The following UBE2K variants were observed in gnomAD, a reference collection of about 807,000 sequenced individuals.
UBE2K encodes the protein ubiquitin-conjugating enzyme E2 K.
A neutral mutation model predicts 30.0 loss-of-function variants in UBE2K; 6 were observed. The observed-to-expected ratio is 0.20, with a 90% CI of 0.11 to 0.39. The LOEUF (loss-of-function observed/expected upper bound fraction) is 0.39, where lower values mean the gene tolerates loss of function less well. Ranked by LOEUF, UBE2K falls within the 10% of genes least tolerant of loss-of-function variation. The pLI, the probability that UBE2K is intolerant of heterozygous loss-of-function variation, is 1.00. For missense variants in UBE2K, 61 were observed against 241.6 expected, an observed-to-expected ratio of 0.25 and a Z score of 4.96; for synonymous variants, 86 against 83.7, an observed-to-expected ratio of 1.03 and a Z score of -0.15.
chr4:39,764,261 C>G (rs1302113512), intron 4 of UBE2K, among the ~76,000 whole-genome samples: 1 of 152,102 alleles, frequency 6.6e-6, no homozygotes, highest in African/African-American at 2.4e-5. Flanking sequence ...TCACTTGAGC[C>G]TTGAAAGTCA....
At chr4:39,719,834 A>AT in intron 1 of UBE2K, among the ~76,000 whole-genome samples, 1 of 152,206 alleles carries the variant, frequency 6.6e-6, no homozygotes, top group East Asian at 1.9e-4. Context: ...TTTGCCTCCT[A>AT]TTAGACATTC....
At chr4:39,764,428 T>G (rs1275040805) in intron 4 of UBE2K, among the ~76,000 whole-genome samples, 1 of 152,056 alleles carries the variant, frequency 6.6e-6, no homozygotes, top group Non-Finnish European at 1.5e-5. Flanking sequence ...TGCCTTTTTT[T>G]TTTTTTCTTT....
At chr4:39,770,663 C>T (rs1712736058) in intron 4 of UBE2K, 5 of 1,584,042 alleles carry the variant, frequency 3.2e-6, no homozygotes, top group Non-Finnish European at 4.3e-6. Context: ...TCACCACACC[C>T]TGCGGTGGGG....
At chr4:39,765,036 C>T (rs36046193) in intron 4 of UBE2K, among the ~76,000 whole-genome samples, 14,031 of 152,058 alleles carry the variant, frequency 0.092, 859 homozygotes, top group African/African-American at 0.17. Flanking sequence ...CAGGCACCTG[C>T]CACCACTCCA....
chr4:39,774,443 TA>T (rs760562620), intron 4 of UBE2K, among the ~76,000 whole-genome samples: 153 of 142,184 alleles, frequency 1.1e-3, no homozygotes, highest in Middle Eastern at 3.6e-3. Flanking sequence ...CCGTCTCTAC[TA>T]AAAAAAAAAA....
chr4:39,754,886 A>G (rs1333179036), intron 3 of UBE2K, among the ~76,000 whole-genome samples: 2 of 152,330 alleles, frequency 1.3e-5, no homozygotes, highest in Admixed American at 6.5e-5. Flanking sequence ...TCATTGTCAT[A>G]TGTGTCAGAG....
intron 1 of UBE2K, among the ~76,000 whole-genome samples, chr4:39,736,792 A>G (rs957867906): frequency 6.6e-6 from 1 of 152,218 alleles, no homozygotes; most frequent in African/African-American, 2.4e-5. Flanking sequence ...CGTTTTAATA[A>G]ACTAAGCAGA....
chr4:39,698,528 T>C, intron 1 of UBE2K, 138 bp downstream of exon 1: 1 of 754,762 alleles, frequency 1.3e-6, no homozygotes, highest in Non-Finnish European at 2.3e-6. Context: ...AGCAGCAGTG[T>C]TCCCCTCCTC....
chr4:39,740,690 G>A (rs567634270), intron 2 of UBE2K, among the ~76,000 whole-genome samples: 19 of 145,680 alleles, frequency 1.3e-4, no homozygotes, highest in African/African-American at 4.3e-4. Context: ...ATGAAACCCC[G>A]TCTCTACTAA....
At chr4:39,731,875 G>A (rs1720093399) in intron 1 of UBE2K, among the ~76,000 whole-genome samples, 1 of 152,244 alleles carries the variant, frequency 6.6e-6, no homozygotes, top group African/African-American at 2.4e-5. Context: ...TAAAACAGTT[G>A]TGGCTTGACT....
intron 2 of UBE2K, among the ~76,000 whole-genome samples, chr4:39,739,658 G>A (rs1015925692): frequency 2.0e-5 from 3 of 151,706 alleles, no homozygotes; most frequent in African/African-American, 7.3e-5. Flanking sequence ...TATTGGCCAG[G>A]CTTGTCTTGA....
At chr4:39,725,972 TG>T (rs1719733873) in intron 1 of UBE2K, among the ~76,000 whole-genome samples, 2 of 152,076 alleles carry the variant, frequency 1.3e-5, no homozygotes, top group Non-Finnish European at 2.9e-5. Flanking sequence ...TGTAAATATT[TG>T]GGTTTTTAAA....
At chr4:39,723,612 C>A (rs1020658102) in intron 1 of UBE2K, among the ~76,000 whole-genome samples, 2 of 152,128 alleles carry the variant, frequency 1.3e-5, no homozygotes, top group African/African-American at 2.4e-5. Context: ...TCCTGATCCG[C>A]CTGCCTCGGC....
chr4:39,750,292 A>G (rs1354071779), intron 3 of UBE2K, among the ~76,000 whole-genome samples: 1 of 152,236 alleles, frequency 6.6e-6, no homozygotes, highest in Non-Finnish European at 1.5e-5. Flanking sequence ...CACATCTACA[A>G]TGAAGTGGGA....
chr4:39,772,397 CAA>C (rs34937270), intron 4 of UBE2K, among the ~76,000 whole-genome samples: 6 of 127,210 alleles, frequency 4.7e-5, no homozygotes, highest in Non-Finnish European at 4.8e-5. Context: ...CTGTCTCTAC[CAA>C]AAAAAAAAAA....
At chr4:39,741,607 G>C (rs1313078430) in intron 2 of UBE2K, among the ~76,000 whole-genome samples, 2 of 152,190 alleles carry the variant, frequency 1.3e-5, no homozygotes, top group African/African-American at 4.8e-5. Context: ...TGAGGCAGCT[G>C]TTTTTGTAGT....
chr4:39,705,662 G>A (rs773544328), intron 1 of UBE2K, among the ~76,000 whole-genome samples: 2 of 152,086 alleles, frequency 1.3e-5, no homozygotes, highest in African/African-American at 2.4e-5. Context: ...AAGGGTATCT[G>A]CATGAGAGAG....
rs146999608 is a variant in UBE2K, at chr4:39,769,779, C to T, written c.300-5055C>T. Among the ~76,000 whole-genome samples the T allele has an allele frequency of 7.5e-3, 1,133 of 151,584 alleles. 15 individuals carry two copies. The highest frequency in any genetic ancestry group is 0.026 in the African/African-American group (1,071 of 41,314). ...TTGTCTTCCCTCGTTCTATAGGACCCTTTTCCCTCCCTCCACATACACATG... is the reference window on the plus strand; with the variant it reads ...TTGTCTTCCCTCGTTCTATAGGACCTTTTTCCCTCCCTCCACATACACATG... On this transcript the variant is annotated intron_variant, in intron 4 of 6. Coordinates refer to ENST00000261427, the MANE Select transcript of UBE2K (RefSeq NM_005339.5).
chr4:39,776,683 T>C (rs1713301939), intron 5 of UBE2K, among the ~76,000 whole-genome samples: 1 of 152,172 alleles, frequency 6.6e-6, no homozygotes, highest in African/African-American at 2.4e-5. Flanking sequence ...TCTTTCTTCT[T>C]TTCCCTTGAA....
Sources: gnomAD v4.1 joint callset for allele counts (sites outside exome capture counted in the v4.1 genomes callset) on GRCh38, gnomAD v4.1.1 for gene constraint, MANE v1.5 for transcripts, NCBI Gene and HGNC (gene_info 2026-07-23, HGNC 2026-07-21) for gene names.